LUZP2: variants seen among roughly 807,000 people sequenced by gnomAD.
The protein encoded by LUZP2 is leucine zipper protein 2.
A neutral mutation model predicts 51.6 loss-of-function variants in LUZP2; 52 were observed. That is an observed-to-expected ratio of 1.01 (90% CI 0.81 to 1.27). LUZP2 has a LOEUF of 1.27. LUZP2 is among the 50% of genes most tolerant of loss of function. The probability of loss-of-function intolerance (pLI) is 0.00; values close to 1 mark genes in which losing one functional copy is unlikely to be tolerated. For missense variants in LUZP2, 436 were observed against 395.4 expected, an observed-to-expected ratio of 1.10 and a Z score of -0.87; for synonymous variants, 154 against 137.3, an observed-to-expected ratio of 1.12 and a Z score of -0.85.
At chr11:24,506,224 T>C (rs996279069) in intron 1 of LUZP2, among the ~76,000 whole-genome samples, 1 of 152,068 alleles carries the variant, frequency 6.6e-6, no homozygotes, top group South Asian at 2.1e-4. Context: ...AAAGATACTA[T>C]AAGAGAGGAA....
At chr11:24,628,191 GCACACACACACACCCATGCATA>G (rs1207485152) in intron 1 of LUZP2, among the ~76,000 whole-genome samples, 3 of 138,074 alleles carry the variant, frequency 2.2e-5, no homozygotes, top group Non-Finnish European at 4.7e-5. Context: ...GCATACACAC[GCACACACACACACCCATGCATA>G]CACACACACA....
chr11:24,592,265 T>A (rs1396851256), intron 1 of LUZP2, among the ~76,000 whole-genome samples: 1 of 152,232 alleles, frequency 6.6e-6, no homozygotes, highest in African/African-American at 2.4e-5. Flanking sequence ...TTTCATTCAA[T>A]TACAGCTACT....
At chr11:24,609,943 G>A (rs369383106) in intron 1 of LUZP2, among the ~76,000 whole-genome samples, 155 of 152,184 alleles carry the variant, frequency 1.0e-3, no homozygotes, top group Non-Finnish European at 1.6e-3. Flanking sequence ...AGCAATTTAT[G>A]CCCCAGGGAA....
At chr11:24,657,586 G>T (rs1349194909) in intron 1 of LUZP2, among the ~76,000 whole-genome samples, 1 of 152,094 alleles carries the variant, frequency 6.6e-6, no homozygotes, top group African/African-American at 2.4e-5. Context: ...GGGCAATCAT[G>T]CAGGAGAAGG....
intron 5 of LUZP2, among the ~76,000 whole-genome samples, chr11:24,876,948 T>C (rs1852289596): frequency 6.6e-6 from 1 of 152,138 alleles, no homozygotes; most frequent in Non-Finnish European, 1.5e-5. Flanking sequence ...CACCTTCAAG[T>C]AACAGAGTCA....
intron 1 of LUZP2, among the ~76,000 whole-genome samples, chr11:24,717,409 GTTTTTT>G (rs869281553): frequency 1.5e-5 from 2 of 134,652 alleles, no homozygotes; most frequent in African/African-American, 5.4e-5. Flanking sequence ...GAACCCAATA[GTTTTTT>G]TTTTTTTTTT....
At chr11:24,897,486 T>C (rs906142609) in intron 5 of LUZP2, among the ~76,000 whole-genome samples, 5 of 151,914 alleles carry the variant, frequency 3.3e-5, no homozygotes, top group African/African-American at 9.7e-5. Flanking sequence ...TGAACAACTC[T>C]GGACGGGAGG....
chr11:24,763,599 T>C (rs991638198), intron 5 of LUZP2, among the ~76,000 whole-genome samples: 1 of 152,156 alleles, frequency 6.6e-6, no homozygotes, highest in Non-Finnish European at 1.5e-5. Flanking sequence ...CATTTACTTA[T>C]TTGTTTAATA....
intron 1 of LUZP2, among the ~76,000 whole-genome samples, chr11:24,503,084 A>G (rs897390052): frequency 3.3e-5 from 5 of 152,176 alleles, no homozygotes; most frequent in African/African-American, 1.2e-4. Context: ...CAGCCCAACC[A>G]TTGTAGTTTT....
At chr11:24,768,404 C>T (rs1233736781) in intron 5 of LUZP2, among the ~76,000 whole-genome samples, 2 of 152,114 alleles carry the variant, frequency 1.3e-5, no homozygotes, top group Non-Finnish European at 2.9e-5. Context: ...GCCATCGCAC[C>T]CTGCCAAAAT....
At chr11:24,545,555 CTT>C (rs3992984) in intron 1 of LUZP2, among the ~76,000 whole-genome samples, 2 of 120,786 alleles carry the variant, frequency 1.7e-5, no homozygotes, top group African/African-American at 6.2e-5. Context: ...TTGTTGCTTG[CTT>C]TTTTTTTTTT....
chr11:25,044,235 ATGTG>A (rs368613234), intron 9 of LUZP2, among the ~76,000 whole-genome samples: 1,652 of 106,566 alleles, frequency 0.016, 65 homozygotes, highest in East Asian at 0.059. Flanking sequence ...GTGTATGTGT[ATGTG>A]TGTGTGTGTG....
At chr11:24,659,319 G>C (rs1855930999) in intron 1 of LUZP2, among the ~76,000 whole-genome samples, 2 of 152,110 alleles carry the variant, frequency 1.3e-5, no homozygotes, top group African/African-American at 4.8e-5. Context: ...ACTGTCTCAA[G>C]GACAAAAAAG....
intron 5 of LUZP2, among the ~76,000 whole-genome samples, chr11:24,802,705 A>G (rs1005832113): frequency 1.6e-4 from 24 of 151,736 alleles, no homozygotes; most frequent in Admixed American, 1.2e-3. Flanking sequence ...ATTTGTCTCT[A>G]TGATTTTGAC....
At chr11:24,679,693 A>G (rs1856672302) in intron 1 of LUZP2, among the ~76,000 whole-genome samples, 1 of 152,144 alleles carries the variant, frequency 6.6e-6, no homozygotes, top group Non-Finnish European at 1.5e-5. Context: ...CCTACCTTTA[A>G]GAAAATCATG....
chr11:24,869,880 G>A (rs1303225430), intron 5 of LUZP2, among the ~76,000 whole-genome samples: 1 of 152,098 alleles, frequency 6.6e-6, no homozygotes, highest in African/African-American at 2.4e-5. Context: ...GAATGTTTAC[G>A]CTTAGTGGGA....
intron 1 of LUZP2, among the ~76,000 whole-genome samples, chr11:24,625,044 A>T (rs1264013880): frequency 2.6e-5 from 4 of 152,152 alleles, no homozygotes; most frequent in Non-Finnish European, 2.9e-5. Context: ...ATTGACATGG[A>T]TGAAACTGGA....
At chr11:24,628,937 C>A (rs1298869490) in intron 1 of LUZP2, among the ~76,000 whole-genome samples, 1 of 151,898 alleles carries the variant, frequency 6.6e-6, no homozygotes, top group Non-Finnish European at 1.5e-5. Flanking sequence ...TATAGATATG[C>A]ATGTAGCAGA....
chr11:24,782,297 A>G (rs1849117636), intron 5 of LUZP2, among the ~76,000 whole-genome samples: 1 of 152,072 alleles, frequency 6.6e-6, no homozygotes, highest in Non-Finnish European at 1.5e-5. Context: ...CTGTGAAGAT[A>G]CAGCACAGTC....
Sources: gnomAD v4.1 joint callset for allele counts (sites outside exome capture counted in the v4.1 genomes callset) on GRCh38, gnomAD v4.1.1 for gene constraint, MANE v1.5 for transcripts, NCBI Gene and HGNC (gene_info 2026-07-23, HGNC 2026-07-21) for gene names.